The following JMJD1C variants were observed in gnomAD, a reference collection of about 807,000 sequenced individuals.
The protein encoded by JMJD1C is jumonji domain containing 1C, also known as jumonji domain-containing protein 1C.
JMJD1C carries 31 observed loss-of-function variants against 245.3 expected under a neutral mutation model. That is an observed-to-expected ratio of 0.13 (90% CI 0.09 to 0.17). JMJD1C has a LOEUF of 0.17. Among genes scored for constraint, JMJD1C ranks in the 10% least tolerant of loss-of-function variants. The probability of loss-of-function intolerance (pLI) is 1.00; values close to 1 mark genes in which losing one functional copy is unlikely to be tolerated. For synonymous variants in JMJD1C, 1,057 were observed against 1,017.4 expected, an observed-to-expected ratio of 1.04 and a Z score of -0.74; for missense variants, 2,691 against 3,000.2, an observed-to-expected ratio of 0.90 and a Z score of 2.41.
chr10:63,351,145 C>G (rs1020942646), intron 2 of JMJD1C, among the ~76,000 whole-genome samples: 3 of 138,614 alleles, frequency 2.2e-5, no homozygotes, highest in Non-Finnish European at 4.6e-5. Flanking sequence ...GTGGTGAGAT[C>G]TCGGCCCACT....
At chr10:63,338,155 G>A (rs1362614883) in intron 2 of JMJD1C, among the ~76,000 whole-genome samples, 1 of 152,122 alleles carries the variant, frequency 6.6e-6, no homozygotes, top group Non-Finnish European at 1.5e-5. Flanking sequence ...AGTTTTAAGA[G>A]ACAGAGTCTC....
chr10:63,344,913 A>G (rs1943681348), intron 2 of JMJD1C, among the ~76,000 whole-genome samples: 1 of 152,188 alleles, frequency 6.6e-6, no homozygotes, highest in African/African-American at 2.4e-5. Context: ...TGGAACTCTC[A>G]AACATTTCAA....
intron 3 of JMJD1C, among the ~76,000 whole-genome samples, chr10:63,220,954 A>G (rs955964353): frequency 2.0e-5 from 3 of 152,068 alleles, no homozygotes; most frequent in Admixed American, 2.0e-4. Context: ...TAAAAATACA[A>G]AAAAATATTA....
intron 1 of JMJD1C, among the ~76,000 whole-genome samples, chr10:63,464,359 A>AG (rs1463062673): frequency 6.6e-6 from 1 of 152,220 alleles, no homozygotes; most frequent in African/African-American, 2.4e-5. Flanking sequence ...CTATTAAAAT[A>AG]GGTAGGTAAA....
At chr10:63,174,067 GA>G (rs1338655631) in intron 24 of JMJD1C, among the ~76,000 whole-genome samples, 13 of 152,114 alleles carry the variant, frequency 8.5e-5, no homozygotes, top group Non-Finnish European at 1.8e-4. Flanking sequence ...CAGAGGAAAT[GA>G]AACTCACATA....
chr10:63,380,366 A>AG lies in JMJD1C; in HGVS notation c.284dup (p.Ser96Ter). Reference sequence around the variant, plus strand: ...TGCTCTTTGATCCCTGAGTCTGGCTAGGGTCATTCCTTTTGGCCCAGATTA... The same window carrying AG: ...TGCTCTTTGATCCCTGAGTCTGGCTAGGGGTCATTCCTTTTGGCCCAGATTA... On this transcript the variant is annotated frameshift_variant, in exon 2 of 26. Transcript: ENST00000399262. LOFTEE classifies it high-confidence loss of function. The AG allele has an allele frequency of 6.2e-7, 1 of 1,614,118 alleles. No individual in the cohort carries two copies. Among genetic ancestry groups the AG allele is most frequent in the Non-Finnish European group, 8.5e-7 (1 of 1,179,978 alleles).
At chr10:63,247,152 A>G (rs959858362) in intron 3 of JMJD1C, among the ~76,000 whole-genome samples, 1 of 151,412 alleles carries the variant, frequency 6.6e-6, no homozygotes, top group African/African-American at 2.4e-5. Flanking sequence ...AGAAAATTTT[A>G]AAAAAATGAA....
At chr10:63,211,532 T>C (rs1847333734) in intron 8 of JMJD1C, among the ~76,000 whole-genome samples, 1 of 151,400 alleles carries the variant, frequency 6.6e-6, no homozygotes, top group Non-Finnish European at 1.5e-5. Flanking sequence ...GGCCACAGTC[T>C]ACCCAAAACA....
In JMJD1C at chr10:63,217,199, C is replaced by A; in HGVS notation, c.678+8G>T. ...AATCTCTATAAAAATATTAGTGGAA[C>A]TATTTACCTGATCATTCATAACGAT... On this transcript the variant is annotated splice_region_variant and intron_variant, in intron 5 of 25. Coordinates refer to ENST00000399262, the MANE Select transcript of JMJD1C (RefSeq NM_032776.3). 1 of 1,603,190 alleles carries A rather than the reference C, an allele frequency of 6.2e-7. No homozygotes were observed. The highest frequency in any genetic ancestry group is 8.5e-7 in the Non-Finnish European group (1 of 1,176,190).
At chr10:63,241,586 T>C (rs1205613661) in intron 3 of JMJD1C, among the ~76,000 whole-genome samples, 4 of 152,154 alleles carry the variant, frequency 2.6e-5, no homozygotes, top group African/African-American at 7.2e-5. Flanking sequence ...TTTACCCTTA[T>C]AGCCTTTCTA....
chr10:63,414,208 G>A (rs879595220), intron 1 of JMJD1C, among the ~76,000 whole-genome samples: 3 of 151,912 alleles, frequency 2.0e-5, no homozygotes, highest in Non-Finnish European at 2.9e-5. Flanking sequence ...GGATGGTCTC[G>A]ATCTCCTGAC....
intron 2 of JMJD1C, among the ~76,000 whole-genome samples, chr10:63,324,051 T>TC (rs1490214928): frequency 6.6e-6 from 1 of 150,978 alleles, no homozygotes; most frequent in Non-Finnish European, 1.5e-5. Flanking sequence ...TTTTTTTTTT[T>TC]TTTTTCTATG....
chr10:63,223,005 C>T, intron 3 of JMJD1C: 2 of 1,369,654 alleles, frequency 1.5e-6, no homozygotes, highest in Non-Finnish European at 2.1e-6. Flanking sequence ...TCAGCCAATA[C>T]ACTATATAAC....
chr10:63,400,401 T>C lies in JMJD1C; in HGVS notation c.169-19919A>G, dbSNP rs192152676. 1.6e-4 allele frequency among the ~76,000 whole-genome samples: 25 copies of C among 152,104 alleles called. No individual in the cohort carries two copies. In the East Asian group the frequency reaches 4.8e-3, roughly 29 times the overall value. On this transcript the variant is annotated intron_variant, in intron 1 of 25. Transcript: ENST00000399262. ...CTCCTCTAGAGTCTCACCAATTGGGTGTGTTGTCCATTGAGGGAAGAGAAG... is the reference window on the plus strand; with the variant it reads ...CTCCTCTAGAGTCTCACCAATTGGGCGTGTTGTCCATTGAGGGAAGAGAAG...
At chr10:63,273,335 G>T (rs1244887204) in intron 2 of JMJD1C, among the ~76,000 whole-genome samples, 1 of 152,152 alleles carries the variant, frequency 6.6e-6, no homozygotes, top group Admixed American at 6.5e-5. Context: ...GGGACTACAA[G>T]TAAGTGCCAC....
At chr10:63,450,922 A>G (rs746719687) in intron 1 of JMJD1C, among the ~76,000 whole-genome samples, 1 of 14,228 alleles carries the variant, frequency 7.0e-5, no homozygotes, top group Non-Finnish European at 6.3e-3. Context: ...ACACACACAG[A>G]AAAAAAAAAA....
At chr10:63,391,974 CAAAAGT>C (rs1409712295) in intron 1 of JMJD1C, among the ~76,000 whole-genome samples, 1 of 152,052 alleles carries the variant, frequency 6.6e-6, no homozygotes, top group Admixed American at 6.6e-5. Context: ...GGCTTTAAAC[CAAAAGT>C]AAAAGTTGCT....
intron 3 of JMJD1C, among the ~76,000 whole-genome samples, chr10:63,246,854 T>A (rs1191897082): frequency 6.6e-6 from 1 of 151,656 alleles, no homozygotes; most frequent in East Asian, 1.9e-4. Flanking sequence ...AACGAATAGG[T>A]CAATAAAGAA....
chr10:63,317,320 C>T (rs925122919), intron 2 of JMJD1C, among the ~76,000 whole-genome samples: 1 of 152,124 alleles, frequency 6.6e-6, no homozygotes, highest in African/African-American at 2.4e-5. Context: ...CTCTGGCCAA[C>T]ATGATGAAAC....
Sources: gnomAD v4.1 joint callset for allele counts (sites outside exome capture counted in the v4.1 genomes callset) on GRCh38, gnomAD v4.1.1 for gene constraint, MANE v1.5 for transcripts, NCBI Gene and HGNC (gene_info 2026-07-23, HGNC 2026-07-21) for gene names.